IMMP2L: variants seen among roughly 807,000 people sequenced by gnomAD.
The protein encoded by IMMP2L is inner mitochondrial membrane peptidase subunit 2, also known as mitochondrial inner membrane protease subunit 2.
Under a neutral mutation model 19.3 loss-of-function variants are expected in IMMP2L, and 18 were observed. The ratio of observed to expected loss-of-function variants is 0.93; its 90% CI spans 0.64 to 1.38. The LOEUF (loss-of-function observed/expected upper bound fraction) is 1.38. Ranked by LOEUF, IMMP2L falls within the 40% of genes most tolerant of loss-of-function variation. The probability of loss-of-function intolerance (pLI) is 0.00; values close to 1 mark genes in which losing one functional copy is unlikely to be tolerated. For missense variants in IMMP2L, 233 were observed against 218.2 expected (o/e 1.07, Z -0.43); for synonymous variants, 76 against 73.0 (o/e 1.04, Z -0.21).
chr7:110,942,665 C>T (rs979460240), intron 4 of IMMP2L, among the ~76,000 whole-genome samples: 1 of 151,662 alleles, frequency 6.6e-6, no homozygotes, highest in Admixed American at 6.7e-5. Context: ...AATTGTCTCC[C>T]AGGCCACCAA....
At chr7:111,272,105 C>A (rs1268873857) in intron 3 of IMMP2L, among the ~76,000 whole-genome samples, 2 of 152,242 alleles carry the variant, frequency 1.3e-5, no homozygotes, top group Admixed American at 1.3e-4. Context: ...CATTAAAATT[C>A]TCCAATGACT....
intron 1 of IMMP2L, among the ~76,000 whole-genome samples, chr7:111,536,566 G>A (rs1444425690): frequency 6.6e-6 from 1 of 152,002 alleles, no homozygotes; most frequent in African/African-American, 2.4e-5. Flanking sequence ...CTCAGCCTCC[G>A]GAAGTGCTGG....
chr7:111,450,307 A>G (rs1838994547), intron 3 of IMMP2L, among the ~76,000 whole-genome samples: 1 of 151,808 alleles, frequency 6.6e-6, no homozygotes, highest in Non-Finnish European at 1.5e-5. Context: ...ATGACTTCAA[A>G]CTATACTACA....
chr7:111,060,746 A>G (rs1319556665), intron 3 of IMMP2L, among the ~76,000 whole-genome samples: 2 of 152,252 alleles, frequency 1.3e-5, no homozygotes, highest in Admixed American at 6.5e-5. Flanking sequence ...AATAACAATT[A>G]TTATTATGCA....
chr7:110,978,371 C>T (rs1336816912), intron 3 of IMMP2L, among the ~76,000 whole-genome samples: 2 of 151,902 alleles, frequency 1.3e-5, no homozygotes, highest in Non-Finnish European at 2.9e-5. Context: ...ATGCCATAAA[C>T]AAATGAATAT....
intron 2 of IMMP2L, among the ~76,000 whole-genome samples, chr7:111,505,771 G>A (rs928809167): frequency 4.0e-5 from 6 of 151,794 alleles, no homozygotes; most frequent in Non-Finnish European, 4.4e-5. Context: ...ATTGAACAAT[G>A]AGAACACATG....
intron 3 of IMMP2L, among the ~76,000 whole-genome samples, chr7:111,084,582 G>A (rs1185499082): frequency 6.6e-6 from 1 of 152,106 alleles, no homozygotes; most frequent in African/African-American, 2.4e-5. Context: ...ATCTAAGAGA[G>A]CATATAAAGA....
At chr7:111,037,615 T>C (rs1210986774) in intron 3 of IMMP2L, among the ~76,000 whole-genome samples, 1 of 152,186 alleles carries the variant, frequency 6.6e-6, no homozygotes, top group Non-Finnish European at 1.5e-5. Flanking sequence ...TGAAATGACA[T>C]TCACAATATA....
intron 3 of IMMP2L, 87 bp from the exon 4 acceptor site, chr7:110,963,652 T>C (rs1404847997): frequency 4.1e-6 from 3 of 737,526 alleles, no homozygotes; most frequent in Non-Finnish European, 6.5e-6. Context: ...AAATAGGCTA[T>C]ATTAAAGTCT....
intron 4 of IMMP2L, among the ~76,000 whole-genome samples, chr7:110,956,946 T>G (rs2129554810): frequency 6.6e-6 from 1 of 152,162 alleles, no homozygotes; most frequent in South Asian, 2.1e-4. Context: ...AATGCTTCTA[T>G]TTGAGTCATA....
At chr7:111,330,576 A>T (rs1360320033) in intron 3 of IMMP2L, among the ~76,000 whole-genome samples, 1 of 151,848 alleles carries the variant, frequency 6.6e-6, no homozygotes, top group Admixed American at 6.6e-5. Flanking sequence ...CATTCAAGAT[A>T]AAGGAAAAAT....
At chr7:110,921,574 A>G (rs259008) in intron 4 of IMMP2L, among the ~76,000 whole-genome samples, 76,794 of 152,010 alleles carry the variant, frequency 0.51, 20,295 homozygotes, top group East Asian at 0.81. Context: ...TAAAGTGCAC[A>G]TAAGAATTCT....
chr7:110,816,451 G>A, intron 5 of IMMP2L, among the ~76,000 whole-genome samples: 1 of 146,518 alleles, frequency 6.8e-6, no homozygotes, highest in Admixed American at 7.0e-5. Flanking sequence ...TGTTGATTTG[G>A]GGTGGAGAGT....
intron 2 of IMMP2L, among the ~76,000 whole-genome samples, chr7:111,515,750 A>G (rs758072212): frequency 5.3e-5 from 8 of 152,144 alleles, no homozygotes; most frequent in Non-Finnish European, 8.8e-5. Context: ...TAGACTTTTT[A>G]TAAGAGAAAC....
At chr7:110,785,734 T>C (rs1466905188) in intron 5 of IMMP2L, among the ~76,000 whole-genome samples, 1 of 151,936 alleles carries the variant, frequency 6.6e-6, no homozygotes, top group Non-Finnish European at 1.5e-5. Context: ...TGCAGAGATG[T>C]TTGATCTGAT....
intron 3 of IMMP2L, among the ~76,000 whole-genome samples, chr7:111,384,783 G>C (rs1208039842): frequency 1.3e-5 from 2 of 152,046 alleles, no homozygotes; most frequent in Non-Finnish European, 2.9e-5. Flanking sequence ...ATTTCAAAAA[G>C]AGCATTTTAC....
chr7:111,112,383 C>A (rs1799341793), intron 3 of IMMP2L, among the ~76,000 whole-genome samples: 2 of 152,198 alleles, frequency 1.3e-5, no homozygotes, highest in African/African-American at 2.4e-5. Context: ...TCACTTCGTA[C>A]TTCAGAGTGC....
chr7:111,358,995 T>A (rs1489125650), intron 3 of IMMP2L, among the ~76,000 whole-genome samples: 4 of 152,128 alleles, frequency 2.6e-5, no homozygotes, highest in Non-Finnish European at 4.4e-5. Flanking sequence ...CTAAGTTAGA[T>A]AGCTAGAACA....
At chr7:111,243,225 T>C (rs1343676193) in intron 3 of IMMP2L, among the ~76,000 whole-genome samples, 1 of 152,020 alleles carries the variant, frequency 6.6e-6, no homozygotes, top group Admixed American at 6.6e-5. Flanking sequence ...ATGTGAAGTA[T>C]TTATTATATA....
Sources: gnomAD v4.1 joint callset for allele counts (sites outside exome capture counted in the v4.1 genomes callset) on GRCh38, gnomAD v4.1.1 for gene constraint, MANE v1.5 for transcripts, NCBI Gene and HGNC (gene_info 2026-07-23, HGNC 2026-07-21) for gene names.